DEFB123: variants seen among roughly 807,000 people sequenced by gnomAD.
DEFB123 encodes the protein defensin beta 123, also known as beta-defensin 123.
For missense variants in DEFB123, 71 were observed against 75.0 expected (o/e 0.95, Z 0.20); for synonymous variants, 22 against 28.3 (o/e 0.78, Z 0.71).
intron 1 of DEFB123, among the ~76,000 whole-genome samples, chr20:31,445,510 G>A (rs1979565201): frequency 6.8e-6 from 1 of 148,008 alleles, no homozygotes; most frequent in Admixed American, 6.9e-5. Flanking sequence ...ATGATCTATT[G>A]TCCTATCTCC....
chr20:31,447,987 T>C (rs140522626), intron 1 of DEFB123, among the ~76,000 whole-genome samples: 12,266 of 151,912 alleles, frequency 0.081, 595 homozygotes, highest in Non-Finnish European at 0.11. Flanking sequence ...GGGGTTTCAC[T>C]GTGTTAGCCA....
chr20:31,441,350 G>T (rs1459551824), intron 1 of DEFB123, among the ~76,000 whole-genome samples: 1 of 152,168 alleles, frequency 6.6e-6, no homozygotes, highest in Non-Finnish European at 1.5e-5. Flanking sequence ...GGGATATCCT[G>T]AGTCCTAAAA....
Position 31,450,116 on chromosome 20 carries a change from A to G in DEFB123, c.146A>G (p.Asn49Ser). ...AGAGTCTATGTTTACTGCATAAATAATAAAATGTGCTGCGTGAAGCCCAAG... is the reference window on the plus strand; with the variant it reads ...AGAGTCTATGTTTACTGCATAAATAGTAAAATGTGCTGCGTGAAGCCCAAG... ...KERVYVYCIN[N>S]KMCCVKPKYQ... Residue 49 changes from asparagine to serine, a missense_variant, in exon 2 of 2, where the codon AAT (asparagine) becomes AGT (serine). Physicochemically the swap from Asn to Ser is conservative, Grantham distance 46. Transcript: ENST00000376309. The G allele has an allele frequency of 1.9e-6, 3 of 1,613,312 alleles. No individual in the cohort carries two copies. Among genetic ancestry groups the G allele is most frequent in the Non-Finnish European group, 2.5e-6 (3 of 1,179,690 alleles).
intron 1 of DEFB123, among the ~76,000 whole-genome samples, chr20:31,441,169 C>T (rs1075852): frequency 6.6e-6 from 1 of 152,002 alleles, no homozygotes; most frequent in African/African-American, 2.4e-5. Flanking sequence ...CCAGACTCTG[C>T]GCTGGAAGCT....
intron 1 of DEFB123, among the ~76,000 whole-genome samples, chr20:31,447,161 C>G (rs555373797): frequency 1.1e-4 from 16 of 151,688 alleles, no homozygotes; most frequent in African/African-American, 3.6e-4. Context: ...ACTCGGGAGG[C>G]TGAGACAGGA....
rs59939526 is a variant in DEFB123 at position 31,449,767 on chromosome 20, C to CAAAAA, written c.59-241_59-237dup. 5.9e-4 allele frequency among the ~76,000 whole-genome samples: 31 copies of CAAAAA among 52,486 alleles called. 1 individual carries two copies. Among genetic ancestry groups the CAAAAA allele is most frequent in the African/African-American group, 8.6e-4 (16 of 18,634 alleles). 34.4% of individuals were successfully genotyped at this position (52,486 alleles called of 152,430 possible). ...CTAGGTGACAGAGCAAGACTCATCTCAAAAAAAAAAAAAAAAAAAAAAAAA... is the reference window on the plus strand; with the variant it reads ...CTAGGTGACAGAGCAAGACTCATCTCAAAAAAAAAAAAAAAAAAAAAAAAAAAAAA... On this transcript the variant is annotated intron_variant, in intron 1 of 1. Coordinates refer to ENST00000376309, the MANE Select transcript of DEFB123 (RefSeq NM_153324.4).
chr20:31,450,168 A>G lies in DEFB123; in HGVS notation c.198A>G (p.Pro66=), dbSNP rs376020923. ...ACCAGCCAAAAGAAAGGTGGTGGCCATTTTAACTGCTTTGAAGCCTGAAGC... is the reference window on the plus strand; with the variant it reads ...ACCAGCCAAAAGAAAGGTGGTGGCCGTTTTAACTGCTTTGAAGCCTGAAGC... The part of the protein sequence containing the change: ...PKYQPKERWW[P]F Residue 66 remains proline, a synonymous_variant, in exon 2 of 2, where the codon CCA becomes CCG. Transcript: ENST00000376309. The G allele has an allele frequency of 2.6e-5, 42 of 1,602,526 alleles. No individual in the cohort carries two copies. The highest frequency in any genetic ancestry group is 3.3e-5 in the Non-Finnish European group (39 of 1,176,164).
intron 1 of DEFB123, among the ~76,000 whole-genome samples, chr20:31,447,087 AC>A (rs1215046185): frequency 6.6e-6 from 1 of 151,992 alleles, no homozygotes; most frequent in Non-Finnish European, 1.5e-5. Flanking sequence ...ACATGGAGAA[AC>A]CCCGTCTCTA....
intron 1 of DEFB123, among the ~76,000 whole-genome samples, chr20:31,444,200 C>T (rs143231856): frequency 8.0e-4 from 122 of 152,194 alleles, no homozygotes; most frequent in African/African-American, 2.5e-3. Context: ...TCATACTCAC[C>T]GTTAGGTTAA....
chr20:31,444,216 G>C (rs553372999), intron 1 of DEFB123, among the ~76,000 whole-genome samples: 17 of 152,078 alleles, frequency 1.1e-4, no homozygotes, highest in African/African-American at 4.1e-4. Flanking sequence ...GTTAATTGTG[G>C]GAATTCAGGA....
At chr20:31,445,851 T>C (rs1280418842) in intron 1 of DEFB123, among the ~76,000 whole-genome samples, 1 of 152,214 alleles carries the variant, frequency 6.6e-6, no homozygotes, top group African/African-American at 2.4e-5. Context: ...GACGAAATAA[T>C]TTTTGTATCA....
intron 1 of DEFB123, among the ~76,000 whole-genome samples, chr20:31,444,361 G>C (rs1298172050): frequency 1.3e-5 from 2 of 151,102 alleles, no homozygotes; most frequent in East Asian, 1.9e-4. Flanking sequence ...AAATATCTGG[G>C]TATCTATTTT....
In DEFB123 at chr20:31,443,134, C is replaced by CA. The variant is rs1979507136; in HGVS notation, c.58+2379dup. 4.6e-5 allele frequency among the ~76,000 whole-genome samples: 7 copies of CA among 152,306 alleles called. No homozygotes were observed. The South Asian group carries it at 1.5e-3, about 32-fold the overall frequency. Reference sequence around the variant, plus strand: ...GATGTGGTTAGTAGCGTCCTGCTAGCACTTACTACTGGATTTCATGACTGA... The same window carrying CA: ...GATGTGGTTAGTAGCGTCCTGCTAGCAACTTACTACTGGATTTCATGACTGA... On this transcript the variant is annotated intron_variant, in intron 1 of 1. Coordinates refer to ENST00000376309, the MANE Select transcript of DEFB123 (RefSeq NM_153324.4).
intron 1 of DEFB123, among the ~76,000 whole-genome samples, chr20:31,441,457 A>G (rs1229479020): frequency 6.6e-6 from 1 of 151,704 alleles, no homozygotes; most frequent in Non-Finnish European, 1.5e-5. Flanking sequence ...GGGAGAGAGC[A>G]TGGGAGTGTC....
At chr20:31,442,298 G>T (rs1051279600) in intron 1 of DEFB123, among the ~76,000 whole-genome samples, 9 of 152,152 alleles carry the variant, frequency 5.9e-5, no homozygotes, top group Admixed American at 6.5e-5. Context: ...TCTTTCCTGG[G>T]ATAGTATCTG....
At position 31,440,704 on chromosome 20, in the gene DEFB123, G is replaced by A. The variant is rs760053146; in HGVS notation, c.6G>A (p.Lys2=). The A allele has an allele frequency of 6.2e-7, 1 of 1,613,786 alleles. No individual in the cohort carries two copies. The highest frequency in any genetic ancestry group is 8.5e-7 in the Non-Finnish European group (1 of 1,180,032). The part of the protein sequence containing the change: M[K]LLLLTLTVLL... ...CATTTTGGGCTGCCTTAGCCATGAAGCTCCTTTTGCTGACTTTGACTGTGC... is the reference window on the plus strand; with the variant it reads ...CATTTTGGGCTGCCTTAGCCATGAAACTCCTTTTGCTGACTTTGACTGTGC... Residue 2 remains lysine (K), a synonymous_variant, in exon 1 of 2, where the codon AAG becomes AAA. Transcript: ENST00000376309.
chr20:31,448,733 C>A (rs1979655915), intron 1 of DEFB123, among the ~76,000 whole-genome samples: 1 of 151,840 alleles, frequency 6.6e-6, no homozygotes, highest in Non-Finnish European at 1.5e-5. Context: ...TTCTTTGAGA[C>A]AGAGTTTCGC....
chr20:31,449,497 C>A (rs541125994), intron 1 of DEFB123, among the ~76,000 whole-genome samples: 3 of 152,240 alleles, frequency 2.0e-5, no homozygotes, highest in Admixed American at 6.5e-5. Flanking sequence ...TATTCCCAGA[C>A]CTGTGCAATC....
chr20:31,444,416 G>A lies in DEFB123; in HGVS notation c.58+3660G>A, dbSNP rs1385724294. On this transcript the variant is annotated intron_variant, in intron 1 of 1. Transcript: ENST00000376309. Reference sequence around the variant, plus strand: ...TCATTAGACTGGAAGTTCTCTGAGGGTAGGTGTCTCACTCATTTATAGTTT... The same window carrying A: ...TCATTAGACTGGAAGTTCTCTGAGGATAGGTGTCTCACTCATTTATAGTTT... Among the ~76,000 whole-genome samples the A allele has an allele frequency of 2.0e-5, 3 of 152,070 alleles. No individual in the cohort carries two copies. The South Asian group carries it at 6.2e-4, about 32-fold the overall frequency.
Sources: gnomAD v4.1 joint callset for allele counts (sites outside exome capture counted in the v4.1 genomes callset) on GRCh38, gnomAD v4.1.1 for gene constraint, MANE v1.5 for transcripts, NCBI Gene and HGNC (gene_info 2026-07-23, HGNC 2026-07-21) for gene names.